The following DARS1 variants were observed in gnomAD, a reference collection of about 807,000 sequenced individuals.
The protein encoded by DARS1 is aspartate--tRNA ligase, cytoplasmic.
DARS1 carries 51 observed loss-of-function variants against 68.8 expected under a neutral mutation model. The observed-to-expected ratio is 0.74, with a 90% CI of 0.59 to 0.94. The LOEUF is 0.94. Among genes scored for constraint, DARS1 ranks in the 40% least tolerant of loss-of-function variants. The probability of loss-of-function intolerance (pLI) is 0.00; values close to 1 mark genes in which losing one functional copy is unlikely to be tolerated. For missense variants in DARS1, 607 were observed against 597.3 expected, an observed-to-expected ratio of 1.02 and a Z score of -0.17; for synonymous variants, 203 against 190.4, an observed-to-expected ratio of 1.07 and a Z score of -0.55.
chr2:135,909,714 T>C (rs1471703567), intron 15 of DARS1, among the ~76,000 whole-genome samples: 1 of 152,204 alleles, frequency 6.6e-6, no homozygotes, highest in Non-Finnish European at 1.5e-5. Flanking sequence ...TTTAGCATGA[T>C]GTCCTCTATG....
chr2:135,972,909 A>G (rs190350723), intron 3 of DARS1, among the ~76,000 whole-genome samples: 1 of 152,352 alleles, frequency 6.6e-6, no homozygotes, highest in East Asian at 1.9e-4. Flanking sequence ...GCTTATATCA[A>G]AAAGTCAAAT....
At chr2:135,926,450 G>C (rs1371028839) in intron 7 of DARS1, among the ~76,000 whole-genome samples, 1 of 152,098 alleles carries the variant, frequency 6.6e-6, no homozygotes, top group African/African-American at 2.4e-5. Context: ...TGATTAGACA[G>C]TGAACAGTTA....
At chr2:135,946,464 C>A (rs996627774) in intron 4 of DARS1, among the ~76,000 whole-genome samples, 2 of 152,144 alleles carry the variant, frequency 1.3e-5, no homozygotes, top group Non-Finnish European at 2.9e-5. Context: ...AACTCAAATT[C>A]ATTCTCATCC....
intron 7 of DARS1, among the ~76,000 whole-genome samples, chr2:135,930,977 A>G (rs1681329273): frequency 6.6e-6 from 1 of 152,202 alleles, no homozygotes; most frequent in African/African-American, 2.4e-5. Flanking sequence ...CTTTTCTAGG[A>G]ATGAAAATTG....
intron 6 of DARS1, among the ~76,000 whole-genome samples, chr2:135,933,074 C>T (rs978926063): frequency 1.3e-5 from 2 of 152,016 alleles, no homozygotes; most frequent in Non-Finnish European, 2.9e-5. Context: ...TGGTTCTTTC[C>T]CTCCTCCACC....
chr2:135,961,899 A>C (rs916080736), intron 3 of DARS1, among the ~76,000 whole-genome samples: 1 of 152,230 alleles, frequency 6.6e-6, no homozygotes, highest in African/African-American at 2.4e-5. Flanking sequence ...ACTACTATGG[A>C]AGTTTCAATA....
intron 3 of DARS1, among the ~76,000 whole-genome samples, chr2:135,965,484 G>T (rs1281033096): frequency 6.6e-6 from 1 of 152,096 alleles, no homozygotes; most frequent in Non-Finnish European, 1.5e-5. Context: ...TACTGGTAAT[G>T]CAAGTAATGC....
chr2:135,911,823 AAGT>A (rs1575381496), intron 13 of DARS1, among the ~76,000 whole-genome samples: 1 of 152,208 alleles, frequency 6.6e-6, no homozygotes, highest in African/African-American at 2.4e-5. Flanking sequence ...TTGGAACTCC[AAGT>A]TATTAACAGG....
At chr2:135,933,123 T>C (rs1681390646) in intron 6 of DARS1, among the ~76,000 whole-genome samples, 1 of 152,118 alleles carries the variant, frequency 6.6e-6, no homozygotes, top group African/African-American at 2.4e-5. Context: ...ATAAGAAAAA[T>C]TAACCACCCA....
chr2:135,931,125 G>A (rs1011253118), intron 7 of DARS1, among the ~76,000 whole-genome samples: 5 of 152,166 alleles, frequency 3.3e-5, no homozygotes, highest in African/African-American at 4.8e-5. Flanking sequence ...ATCTTAGAAC[G>A]TTTGTATTAT....
At chr2:135,916,470 G>A in intron 10 of DARS1, 98 bp from the exon 11 acceptor site, 1 of 563,958 alleles carries the variant, frequency 1.8e-6, no homozygotes, top group South Asian at 3.2e-5. Context: ...CTTTGAATCA[G>A]TATATACACC....
intron 4 of DARS1, among the ~76,000 whole-genome samples, chr2:135,954,105 A>G (rs1681907947): frequency 6.6e-6 from 1 of 151,546 alleles, no homozygotes. Context: ...TTTGACTCGT[A>G]ATACCTTGGG....
At chr2:135,925,187 C>T (rs1022074656) in intron 7 of DARS1, among the ~76,000 whole-genome samples, 1 of 152,036 alleles carries the variant, frequency 6.6e-6, no homozygotes, top group Non-Finnish European at 1.5e-5. Context: ...GTGATGGTGA[C>T]CAGAAAGCTC....
At chr2:135,934,761 A>G (rs1407296072) in intron 5 of DARS1, among the ~76,000 whole-genome samples, 1 of 152,000 alleles carries the variant, frequency 6.6e-6, no homozygotes, top group African/African-American at 2.4e-5. Context: ...CACTTTACTC[A>G]TGTGAAGGAG....
intron 12 of DARS1, 73 bp downstream of exon 12, chr2:135,914,396 C>A: frequency 1.2e-6 from 1 of 851,856 alleles, no homozygotes; most frequent in Non-Finnish European, 2.0e-6. Context: ...GCTCAGACCC[C>A]TCTGCAATTG....
intron 10 of DARS1, among the ~76,000 whole-genome samples, chr2:135,919,642 CATAA>C (rs1681075087): frequency 6.6e-6 from 1 of 152,158 alleles, no homozygotes; most frequent in Non-Finnish European, 1.5e-5. Flanking sequence ...TAAACATCAT[CATAA>C]ATAAACAACT....
At chr2:135,931,476 A>C (rs1243358952) in intron 7 of DARS1, among the ~76,000 whole-genome samples, 1 of 152,162 alleles carries the variant, frequency 6.6e-6, no homozygotes, top group African/African-American at 2.4e-5. Flanking sequence ...GTGCTCAAGC[A>C]TTCTTCCCAC....
intron 5 of DARS1, among the ~76,000 whole-genome samples, chr2:135,942,587 G>A (rs1198136586): frequency 6.6e-6 from 1 of 151,996 alleles, no homozygotes; most frequent in Non-Finnish European, 1.5e-5. Flanking sequence ...ACACCAACAT[G>A]GCGCATGTAT....
chr2:135,981,814 A>G (rs1172435555), intron 2 of DARS1, among the ~76,000 whole-genome samples: 1 of 151,804 alleles, frequency 6.6e-6, no homozygotes, highest in Non-Finnish European at 1.5e-5. Context: ...TAAAAGGTGT[A>G]TGCCACCACG....
Sources: gnomAD v4.1 joint callset for allele counts (sites outside exome capture counted in the v4.1 genomes callset) on GRCh38, gnomAD v4.1.1 for gene constraint, MANE v1.5 for transcripts, NCBI Gene and HGNC (gene_info 2026-07-23, HGNC 2026-07-21) for gene names.